Variants in GRIK1 observed in about 807,000 individuals in gnomAD.
GRIK1 encodes glutamate ionotropic receptor kainate type subunit 1, also known as glutamate receptor ionotropic, kainate 1.
GRIK1 carries 69 observed loss-of-function variants against 105.7 expected under a neutral mutation model. That is an observed-to-expected ratio of 0.65 (90% CI 0.54 to 0.80). The LOEUF is 0.80. Among genes scored for constraint, GRIK1 ranks in the 30% least tolerant of loss-of-function variants. The pLI, the probability that GRIK1 is intolerant of heterozygous loss-of-function variation, is 0.00. For missense variants in GRIK1, 1,109 were observed against 1,167.3 expected, an observed-to-expected ratio of 0.95 and a Z score of 0.73; for synonymous variants, 438 against 431.3, an observed-to-expected ratio of 1.02 and a Z score of -0.19.
chr21:29,651,678 C>T (rs576297448), intron 5 of GRIK1, among the ~76,000 whole-genome samples: 36 of 152,128 alleles, frequency 2.4e-4, no homozygotes, highest in African/African-American at 8.4e-4. Context: ...TGTTAAGTCA[C>T]CCTTATACTT....
chr21:29,926,707 G>T (rs1049786811), intron 1 of GRIK1, among the ~76,000 whole-genome samples: 1 of 151,816 alleles, frequency 6.6e-6, no homozygotes, highest in African/African-American at 2.4e-5. Context: ...TCTACAGCTT[G>T]TTCAAATAGA....
chr21:29,549,728 A>T (rs2090099763), intron 16 of GRIK1, among the ~76,000 whole-genome samples: 1 of 152,156 alleles, frequency 6.6e-6, no homozygotes, highest in Non-Finnish European at 1.5e-5. Flanking sequence ...CTTGAAATGC[A>T]GTGGTTCCTG....
chr21:29,885,553 T>A (rs1325864091), intron 1 of GRIK1, among the ~76,000 whole-genome samples: 1 of 152,066 alleles, frequency 6.6e-6, no homozygotes, highest in Non-Finnish European at 1.5e-5. Context: ...AGATATTGTC[T>A]TAGAAAACTT....
intron 14 of GRIK1, among the ~76,000 whole-genome samples, chr21:29,569,782 G>C (rs1053108032): frequency 6.6e-6 from 1 of 152,178 alleles, no homozygotes; most frequent in African/African-American, 2.4e-5. Flanking sequence ...GTTTCATAAG[G>C]TAATTAATAG....
intron 1 of GRIK1, among the ~76,000 whole-genome samples, chr21:29,712,042 A>ATG (rs2064062906): frequency 6.7e-6 from 1 of 150,092 alleles, no homozygotes; most frequent in African/African-American, 2.4e-5. Context: ...ATTTATAAAT[A>ATG]TGTGTGTGTG....
At chr21:29,711,227 A>G (rs1159780516) in intron 1 of GRIK1, among the ~76,000 whole-genome samples, 1 of 152,132 alleles carries the variant, frequency 6.6e-6, no homozygotes, top group African/African-American at 2.4e-5. Context: ...TATGAAGGTT[A>G]TCCTATAGGA....
At position 29,709,367 on chromosome 21, in the gene GRIK1, G is replaced by A. The variant is rs555386625; in HGVS notation, c.119-15304C>T. On this transcript the variant is annotated intron_variant, in intron 1 of 17. Coordinates refer to ENST00000327783, the MANE Select transcript of GRIK1 (RefSeq NM_001330994.2). Reference sequence around the variant, plus strand: ...GCAATCTCAACTCACTGAAACCTCCGTCTCCCGGGCTCAAGCAATTCTCCT... The same window carrying A: ...GCAATCTCAACTCACTGAAACCTCCATCTCCCGGGCTCAAGCAATTCTCCT... 8.8e-4 allele frequency among the ~76,000 whole-genome samples: 127 copies of A among 144,940 alleles called. 4 individuals carry two copies. In the South Asian group the frequency reaches 0.027, roughly 30 times the overall value.
intron 1 of GRIK1, among the ~76,000 whole-genome samples, chr21:29,756,430 C>G (rs1282421729): frequency 1.3e-5 from 2 of 152,104 alleles, no homozygotes; most frequent in Non-Finnish European, 2.9e-5. Context: ...GCACGGTCAG[C>G]TAATGCCACA....
At chr21:29,560,508 C>T (rs867584382) in intron 15 of GRIK1, among the ~76,000 whole-genome samples, 13 of 24,322 alleles carry the variant, frequency 5.3e-4, no homozygotes, top group South Asian at 1.6e-3. Flanking sequence ...TCCTTCCTTC[C>T]TTCCTTCCTT....
At chr21:29,839,880 C>T (rs903511445) in intron 1 of GRIK1, among the ~76,000 whole-genome samples, 1 of 152,108 alleles carries the variant, frequency 6.6e-6, no homozygotes, top group East Asian at 1.9e-4. Flanking sequence ...GATAGTTGAC[C>T]TCAGTAGTGT....
intron 16 of GRIK1, among the ~76,000 whole-genome samples, chr21:29,547,127 G>C (rs1234908695): frequency 6.6e-6 from 1 of 152,070 alleles, no homozygotes; most frequent in Non-Finnish European, 1.5e-5. Flanking sequence ...TGTTTTACCT[G>C]GTCTGTAGGC....
chr21:29,690,144 C>A (rs996475158), intron 2 of GRIK1, among the ~76,000 whole-genome samples, 159 bp from the exon 3 acceptor site: 1 of 152,190 alleles, frequency 6.6e-6, no homozygotes, highest in African/African-American at 2.4e-5. Context: ...TGAGGAAATA[C>A]GGTTGGTCCA....
chr21:29,731,631 A>C (rs1447498564), intron 1 of GRIK1, among the ~76,000 whole-genome samples: 1 of 152,210 alleles, frequency 6.6e-6, no homozygotes, highest in Non-Finnish European at 1.5e-5. Flanking sequence ...TGTAAGCTGA[A>C]CAAATTGAGA....
At chr21:29,742,351 CAT>C (rs2064951482) in intron 1 of GRIK1, among the ~76,000 whole-genome samples, 1 of 152,164 alleles carries the variant, frequency 6.6e-6, no homozygotes, top group South Asian at 2.1e-4. Flanking sequence ...ACCACACAAA[CAT>C]AGAAGGATGT....
At chr21:29,815,892 A>G (rs1482089123) in intron 1 of GRIK1, among the ~76,000 whole-genome samples, 1 of 152,180 alleles carries the variant, frequency 6.6e-6, no homozygotes, top group Admixed American at 6.6e-5. Context: ...TGGTCTAGGC[A>G]AAAATATTAT....
intron 1 of GRIK1, among the ~76,000 whole-genome samples, chr21:29,811,045 A>C (rs1303395922): frequency 2.0e-5 from 3 of 152,146 alleles, no homozygotes; most frequent in African/African-American, 7.2e-5. Flanking sequence ...GCTCTGATGA[A>C]TGCCTCTATT....
Position 29,581,492 on chromosome 21 carries a change from G to T in GRIK1, c.1845C>A (p.Asp615Glu). The change falls in exon 13 of 18, where the codon GAC becomes GAA. Residue 615 changes from aspartate (D) to glutamate (E), a missense_variant. By Grantham distance (45) the Asp-to-Glu change is conservative. Coordinates refer to ENST00000327783, the MANE Select transcript of GRIK1 (RefSeq NM_001330994.2). ...YNPHPCNPDS[D>E]VVENNFTLLN... ...GTAAAGTAAAATTGTTTTCCACCAC[G>T]TCTGAGTCAGGGTTGCATGGGTGGG... The T allele has an allele frequency of 6.2e-7, 1 of 1,613,116 alleles. No individual in the cohort carries two copies. The highest frequency in any genetic ancestry group is 8.5e-7 in the Non-Finnish European group (1 of 1,179,212).
At chr21:29,674,971 C>A (rs982246249) in intron 3 of GRIK1, among the ~76,000 whole-genome samples, 4 of 152,184 alleles carry the variant, frequency 2.6e-5, no homozygotes, top group African/African-American at 9.7e-5. Context: ...CTTCTCACTT[C>A]CACAGCCACG....
At chr21:29,834,657 T>C (rs959924085) in intron 1 of GRIK1, among the ~76,000 whole-genome samples, 2 of 151,242 alleles carry the variant, frequency 1.3e-5, no homozygotes, top group African/African-American at 2.4e-5. Flanking sequence ...AGCTTTCTAA[T>C]ATATAACATA....
Sources: allele counts gnomAD v4.1 joint callset (sites outside exome capture counted in the v4.1 genomes callset), GRCh38; gene constraint gnomAD v4.1.1; transcripts MANE v1.5; gene names NCBI Gene and HGNC (gene_info 2026-07-23, HGNC 2026-07-21).